The following RUFY3 variants were observed in gnomAD, a reference collection of about 807,000 sequenced individuals.
The protein encoded by RUFY3 is RUN and FYVE domain containing 3, also known as protein RUFY3.
A neutral mutation model predicts 84.0 loss-of-function variants in RUFY3; 34 were observed. That is an observed-to-expected ratio of 0.40 (90% CI 0.31 to 0.54). RUFY3 has a LOEUF of 0.54. Ranked by LOEUF, RUFY3 falls within the 20% of genes least tolerant of loss-of-function variation. RUFY3 has a pLI of 0.39. For synonymous variants in RUFY3, 242 were observed against 252.9 expected (o/e 0.96, Z 0.41); for missense variants, 507 against 736.8 (o/e 0.69, Z 3.61).
At chr4:70,728,137 C>T (rs750864465) in intron 1 of RUFY3, among the ~76,000 whole-genome samples, 1 of 152,214 alleles carries the variant, frequency 6.6e-6, no homozygotes, top group Non-Finnish European at 1.5e-5. Context: ...TGAAAATTCA[C>T]TTAACACACC....
At chr4:70,706,171 A>G (rs1740317627) in intron 1 of RUFY3, among the ~76,000 whole-genome samples, 1 of 152,198 alleles carries the variant, frequency 6.6e-6, no homozygotes. Context: ...AAGCTCTTAC[A>G]GTATGAAAAT....
intron 1 of RUFY3, among the ~76,000 whole-genome samples, chr4:70,724,969 A>G (rs946607190): frequency 6.6e-6 from 1 of 152,190 alleles, no homozygotes; most frequent in African/African-American, 2.4e-5. Context: ...TGATGTCTGG[A>G]CGCGGGAGTA....
intron 1 of RUFY3, among the ~76,000 whole-genome samples, chr4:70,724,917 C>G (rs927809769): frequency 6.6e-6 from 1 of 152,110 alleles, no homozygotes; most frequent in Non-Finnish European, 1.5e-5. Context: ...TCACCAGGCC[C>G]ATGATTATGT....
chr4:70,735,550 G>T (rs576495993), intron 1 of RUFY3, among the ~76,000 whole-genome samples: 82 of 152,096 alleles, frequency 5.4e-4, no homozygotes, highest in Non-Finnish European at 1.1e-3. Context: ...TGTTTTCAAA[G>T]AAAATATTGG....
At chr4:70,763,043 C>A (rs1028957968) in intron 2 of RUFY3, among the ~76,000 whole-genome samples, 2 of 152,250 alleles carry the variant, frequency 1.3e-5, no homozygotes, top group African/African-American at 4.8e-5. Flanking sequence ...CTCAGGTCTC[C>A]CGACTCTTGG....
intron 14 of RUFY3, among the ~76,000 whole-genome samples, chr4:70,798,458 G>A (rs1731802423): frequency 6.6e-6 from 1 of 152,124 alleles, no homozygotes; most frequent in Non-Finnish European, 1.5e-5. Context: ...AAGCAGCAGT[G>A]GTTGTGTGTG....
Position 70,707,735 on chromosome 4 carries a change from T to C in RUFY3, c.358+2441T>C, listed in dbSNP as rs1284456947. On this transcript the variant is annotated intron_variant, in intron 1 of 11. Transcript: ENST00000417478. ...CAAAAAAAAAAAAATCACTATTACATGTTTTATTTAAATATAAAATTGATT... is the reference window on the plus strand; with the variant it reads ...CAAAAAAAAAAAAATCACTATTACACGTTTTATTTAAATATAAAATTGATT... Among the ~76,000 whole-genome samples the C allele has an allele frequency of 7.2e-5, 11 of 151,980 alleles. No individual in the cohort carries two copies. The East Asian group carries it at 2.1e-3, about 29-fold the overall frequency.
intron 1 of RUFY3, among the ~76,000 whole-genome samples, chr4:70,746,082 G>A (rs112640938): frequency 0.031 from 4,742 of 151,900 alleles, 206 homozygotes; most frequent in African/African-American, 0.095. Context: ...GGTGGCTCAC[G>A]CCTGTAATCC....
At chr4:70,789,120 A>G (rs1018422519) in intron 11 of RUFY3, 147 bp downstream of exon 11, 17 of 1,396,744 alleles carry the variant, frequency 1.2e-5, no homozygotes, top group African/African-American at 1.4e-5. Context: ...AACTACTTTC[A>G]GAATCAGACA....
intron 7 of RUFY3, among the ~76,000 whole-genome samples, chr4:70,777,320 A>C (rs1361053372): frequency 6.6e-6 from 1 of 152,236 alleles, no homozygotes; most frequent in Admixed American, 6.5e-5. Context: ...GAGAAGAGCT[A>C]TCCAAAAGCT....
intron 7 of RUFY3, among the ~76,000 whole-genome samples, chr4:70,777,197 T>C: frequency 6.6e-6 from 1 of 152,210 alleles, no homozygotes; most frequent in Middle Eastern, 3.2e-3. Context: ...TTACCTATTT[T>C]TGAACCACAG....
chr4:70,758,680 AC>A, intron 1 of RUFY3, among the ~76,000 whole-genome samples: 1 of 152,024 alleles, frequency 6.6e-6, no homozygotes, highest in Non-Finnish European at 1.5e-5. Context: ...CTTGCCTCAA[AC>A]ACTTATTTAT....
rs1304645329 is a variant in RUFY3 at position 70,800,482 on chromosome 4, C to A, written c.1622+277C>A. ...GATTATCACTTAAGAGGTTATTTCC[C>A]ACCTTTACTGAATTGGTATCCCAGG... On this transcript the variant is annotated intron_variant, in intron 15 of 17. Coordinates refer to ENST00000381006, the MANE Select transcript of RUFY3 (RefSeq NM_001037442.4). 3.3e-5 allele frequency among the ~76,000 whole-genome samples: 5 copies of A among 152,220 alleles called. No individual in the cohort carries two copies. In the East Asian group the frequency reaches 9.6e-4, roughly 29 times the overall value.
upstream of RUFY3, among the ~76,000 whole-genome samples, chr4:70,719,489 A>G (rs10021335): frequency 0.17 from 25,643 of 152,188 alleles, 5,335 homozygotes; most frequent in African/African-American, 0.5. Flanking sequence ...TGGACCCCAG[A>G]CAATCACATG....
intron 9 of RUFY3, among the ~76,000 whole-genome samples, chr4:70,783,823 C>T (rs952848456): frequency 3.3e-5 from 5 of 152,106 alleles, no homozygotes; most frequent in Non-Finnish European, 5.9e-5. Flanking sequence ...TTAAATATTC[C>T]CCGATTTCTG....
intron 5 of RUFY3, among the ~76,000 whole-genome samples, chr4:70,773,036 A>G (rs565844225): frequency 3.9e-5 from 6 of 152,350 alleles, no homozygotes; most frequent in East Asian, 1.9e-4. Context: ...GTGTACATCA[A>G]TGAAAGTTTG....
rs889820373 is a variant in RUFY3, at chr4:70,806,590, C to T, written c.1794C>T (p.Ile598=). 8 of 1,614,042 alleles carry T rather than the reference C, an allele frequency of 5.0e-6. No individual in the cohort carries two copies. The highest frequency in any genetic ancestry group is 6.8e-6 in the Non-Finnish European group (8 of 1,180,014). The change falls in exon 18 of 18, where the codon ATC becomes ATT. Residue 598 remains isoleucine (I), a synonymous_variant. Coordinates refer to ENST00000381006, the MANE Select transcript of RUFY3 (RefSeq NM_001037442.4). ...ATGAACTGCCTCTTCCTTCAAGTATCAAGCTTGAGCGAGTTTGCAATCCCT... is the reference window on the plus strand; with the variant it reads ...ATGAACTGCCTCTTCCTTCAAGTATTAAGCTTGAGCGAGTTTGCAATCCCT... ...STNELPLPSS[I]KLERVCNPCH...
At chr4:70,742,422 AGACT>A (rs1246815149) in intron 1 of RUFY3, among the ~76,000 whole-genome samples, 1 of 152,198 alleles carries the variant, frequency 6.6e-6, no homozygotes, top group Non-Finnish European at 1.5e-5. Context: ...CACTCTGTCC[AGACT>A]GACCTTTCCT....
intron 12 of RUFY3, among the ~76,000 whole-genome samples, chr4:70,790,848 G>C (rs952535623): frequency 2.6e-5 from 4 of 152,086 alleles, no homozygotes; most frequent in Admixed American, 1.3e-4. Context: ...AACCAGTAAG[G>C]GTCCTGAACA....
Sources: allele counts gnomAD v4.1 joint callset (sites outside exome capture counted in the v4.1 genomes callset), GRCh38; gene constraint gnomAD v4.1.1; transcripts MANE v1.5; gene names NCBI Gene and HGNC (gene_info 2026-07-23, HGNC 2026-07-21).